PLEKHA7: variants seen among roughly 807,000 people sequenced by gnomAD.
PLEKHA7 encodes the protein pleckstrin homology domain containing A7.
A neutral mutation model predicts 170.0 loss-of-function variants in PLEKHA7; 104 were observed. The observed-to-expected ratio is 0.61, with a 90% CI of 0.52 to 0.72. The LOEUF (loss-of-function observed/expected upper bound fraction) is 0.72, where lower values mean the gene tolerates loss of function less well. Among genes scored for constraint, PLEKHA7 ranks in the 30% least tolerant of loss-of-function variants. The pLI is 0.00. For missense variants in PLEKHA7, 1,615 were observed against 1,671.7 expected (o/e 0.97, Z 0.59); for synonymous variants, 648 against 660.8 (o/e 0.98, Z 0.30).
At chr11:16,844,708 TC>T (rs1852247283) in intron 8 of PLEKHA7, among the ~76,000 whole-genome samples, 1 of 152,222 alleles carries the variant, frequency 6.6e-6, no homozygotes, top group Non-Finnish European at 1.5e-5. Context: ...ATGGTTGGTC[TC>T]CTGGCTGTTG....
chr11:17,012,992 A>T (rs548923612), intron 3 of PLEKHA7: 1 of 119,340 alleles, frequency 8.4e-6, no homozygotes, highest in African/African-American at 3.0e-5. Flanking sequence ...TCTGACTCAC[A>T]GTCGCCGAGG....
intron 3 of PLEKHA7, among the ~76,000 whole-genome samples, chr11:16,932,478 C>A (rs563580233): frequency 6.6e-6 from 1 of 152,018 alleles, no homozygotes; most frequent in African/African-American, 2.4e-5. Flanking sequence ...AGAGACAGGA[C>A]CTTGCTATGT....
chr11:16,845,154 C>T (rs1852288923), intron 8 of PLEKHA7, among the ~76,000 whole-genome samples: 1 of 152,016 alleles, frequency 6.6e-6, no homozygotes, highest in South Asian at 2.1e-4. Context: ...TAGGTAGCAC[C>T]CCATGAAGGA....
At chr11:16,855,023 C>A (rs1853314807) in intron 5 of PLEKHA7, 30 bp from the exon 6 acceptor site, 1 of 1,597,582 alleles carries the variant, frequency 6.3e-7, no homozygotes, top group Non-Finnish European at 8.6e-7. Flanking sequence ...ACTTTAGCAA[C>A]AGGGAATTTA....
intron 3 of PLEKHA7, among the ~76,000 whole-genome samples, chr11:16,969,508 C>G (rs1351867318): frequency 6.6e-6 from 1 of 152,114 alleles, no homozygotes; most frequent in Non-Finnish European, 1.5e-5. Context: ...TGGCCAGTCA[C>G]CAATTCTACA....
At chr11:16,919,779 G>T (rs1391657602) in intron 3 of PLEKHA7, among the ~76,000 whole-genome samples, 1 of 151,698 alleles carries the variant, frequency 6.6e-6, no homozygotes, top group Non-Finnish European at 1.5e-5. Flanking sequence ...ATAAACAAAA[G>T]ATTCTAAGCA....
chr11:16,803,634 C>A, intron 13 of PLEKHA7: 1 of 301,904 alleles, frequency 3.3e-6, no homozygotes, highest in Non-Finnish European at 6.5e-6. Flanking sequence ...GATTTGCCAC[C>A]GATAAGACAG....
Position 16,817,106 on chromosome 11 carries a change from C to T in PLEKHA7, c.1560G>A (p.Val520=), listed in dbSNP as rs770839451. 3 of 1,614,086 alleles carry T rather than the reference C, an allele frequency of 1.9e-6. No individual in the cohort carries two copies. Among genetic ancestry groups the T allele is most frequent in the Non-Finnish European group, 2.5e-6 (3 of 1,179,978 alleles). Residue 520 remains valine, a synonymous_variant, in exon 11 of 27, where the codon GTG becomes GTA. Coordinates refer to ENST00000531066, the MANE Select transcript of PLEKHA7 (RefSeq NM_001329630.2). This position sits in a 1 kb window ranked among gnomAD's most constrained non-coding sequence, Gnocchi z 4.4. ...GCTGCTGCCACTCGTAGAGCTGCCA[C>T]ACGGTGCCATCCCGGTGCGCCCGGC... ...EERRAHRDGT[V]WQLYEWQQRQ... is the part of the protein sequence containing the mutation.
intron 3 of PLEKHA7, among the ~76,000 whole-genome samples, chr11:16,946,556 T>C (rs1861043550): frequency 6.6e-6 from 1 of 152,168 alleles, no homozygotes; most frequent in Non-Finnish European, 1.5e-5. Flanking sequence ...TCACTTTAAG[T>C]GTTTCCCAAG....
At chr11:16,987,516 G>T (rs980731398) in intron 3 of PLEKHA7, among the ~76,000 whole-genome samples, 2 of 152,144 alleles carry the variant, frequency 1.3e-5, no homozygotes, top group Admixed American at 1.3e-4. Flanking sequence ...GAGGTGCTGG[G>T]CATTGGTTCT....
At chr11:16,964,830 G>A (rs1862273493) in intron 3 of PLEKHA7, among the ~76,000 whole-genome samples, 1 of 152,170 alleles carries the variant, frequency 6.6e-6, no homozygotes, top group African/African-American at 2.4e-5. Context: ...AGGTGCTCAA[G>A]ATGACCCACG....
chr11:16,905,235 G>C (rs1020581695), intron 3 of PLEKHA7, among the ~76,000 whole-genome samples: 1 of 152,136 alleles, frequency 6.6e-6, no homozygotes, highest in Non-Finnish European at 1.5e-5. Flanking sequence ...CTGGGTGTCA[G>C]AGCAGGAAGA....
rs778274669 is a variant in PLEKHA7 at position 16,854,915 on chromosome 11, C to T, written c.496G>A (p.Val166Met). Residue 166 changes from valine (V) to methionine (M), a missense_variant, in exon 6 of 27, where the codon GTG (valine) becomes ATG (methionine). Coordinates refer to ENST00000531066, the MANE Select transcript of PLEKHA7 (RefSeq NM_001329630.2). ...TGCTTGTGCAGCCAGCCCCTCACCA[C>T]CACGGGAACATTGGGGTTCCTCCGA... ...AIRRNPNVPV[V>M]VRGWLHKQDS... 1.2e-6 allele frequency: 2 copies of T among 1,613,928 alleles called. No individual in the cohort carries two copies. Among genetic ancestry groups the T allele is most frequent in the Non-Finnish European group, 1.7e-6 (2 of 1,179,966 alleles).
chr11:16,923,927 C>G (rs770694218), intron 3 of PLEKHA7, among the ~76,000 whole-genome samples: 1 of 152,166 alleles, frequency 6.6e-6, no homozygotes, highest in Non-Finnish European at 1.5e-5. Flanking sequence ...CTTCCCAGGT[C>G]TCTAAGGCAC....
At chr11:16,999,146 C>T (rs1006375062) in intron 3 of PLEKHA7, among the ~76,000 whole-genome samples, 1 of 152,090 alleles carries the variant, frequency 6.6e-6, no homozygotes. Context: ...CCCCATTCCC[C>T]CAGGACCAGC....
chr11:16,846,582 C>T, intron 8 of PLEKHA7, among the ~76,000 whole-genome samples: 1 of 152,166 alleles, frequency 6.6e-6, no homozygotes, highest in Non-Finnish European at 1.5e-5. Context: ...GAGACATACA[C>T]TGCTTAGAGC....
At chr11:16,796,279 G>A (rs540677199) in intron 17 of PLEKHA7, among the ~76,000 whole-genome samples, 48 of 152,252 alleles carry the variant, frequency 3.2e-4, no homozygotes, top group Admixed American at 1.2e-3. Flanking sequence ...AGCTGAACCC[G>A]ATATTTGAGG....
Position 16,889,420 on chromosome 11 carries a change from AATATATAT to A in PLEKHA7, c.222-18246_222-18239del, listed in dbSNP as rs1554964151. 2.2e-3 allele frequency among the ~76,000 whole-genome samples: 163 copies of A among 74,656 alleles called. 1 individual carries two copies. Among genetic ancestry groups the A allele is most frequent in the East Asian group, 7.6e-3 (21 of 2,766 alleles). 49.0% of individuals were successfully genotyped at this position (74,656 alleles called of 152,430 possible). On this transcript the variant is annotated intron_variant, in intron 3 of 26. Transcript: ENST00000531066. ...TTGCTCAAAAAAAAAAAAAAAAAAA[AATATATAT>A]ATATATATATATATATATGAACTAT...
intron 4 of PLEKHA7, among the ~76,000 whole-genome samples, chr11:16,864,782 C>T (rs975102872): frequency 1.3e-5 from 2 of 152,202 alleles, no homozygotes; most frequent in Non-Finnish European, 2.9e-5. Context: ...GTTAATTAAA[C>T]CTCTTTCCTT....
Sources: gnomAD v4.1 joint callset for allele counts (sites outside exome capture counted in the v4.1 genomes callset) on GRCh38, gnomAD v4.1.1 for gene constraint, Gnocchi (gnomAD v3.1) non-coding constraint, MANE v1.5 for transcripts, NCBI Gene and HGNC (gene_info 2026-07-23, HGNC 2026-07-21) for gene names.